Variants in ADAMTS6 observed in about 807,000 individuals in gnomAD.
ADAMTS6 encodes the protein A disintegrin and metalloproteinase with thrombospondin motifs 6.
A neutral mutation model predicts 144.3 loss-of-function variants in ADAMTS6; 23 were observed. The observed-to-expected ratio is 0.16, with a 90% confidence interval of 0.11 to 0.23. The LOEUF (loss-of-function observed/expected upper bound fraction) is 0.23. Among genes scored for constraint, ADAMTS6 ranks in the 10% least tolerant of loss-of-function variants. The probability of loss-of-function intolerance (pLI) is 1.00; values close to 1 mark genes in which losing one functional copy is unlikely to be tolerated. For synonymous variants in ADAMTS6, 444 were observed against 457.5 expected, an observed-to-expected ratio of 0.97 and a Z score of 0.38; for missense variants, 999 against 1,379.6, an observed-to-expected ratio of 0.72 and a Z score of 4.37.
At chr5:65,200,231 AG>A (rs1438306512) in intron 20 of ADAMTS6, among the ~76,000 whole-genome samples, 1 of 152,182 alleles carries the variant, frequency 6.6e-6, no homozygotes, top group African/African-American at 2.4e-5. Flanking sequence ...CAGTAGCAAC[AG>A]GATAACTCTA....
intron 4 of ADAMTS6, among the ~76,000 whole-genome samples, chr5:65,459,073 C>T (rs1759452430): frequency 2.0e-5 from 3 of 150,786 alleles, no homozygotes; most frequent in Non-Finnish European, 2.9e-5. Context: ...AACGGGGTCT[C>T]GCTATATTGC....
intron 12 of ADAMTS6, among the ~76,000 whole-genome samples, chr5:65,266,063 G>GA (rs1761606288): frequency 6.6e-6 from 1 of 151,474 alleles, no homozygotes; most frequent in African/African-American, 2.4e-5. Flanking sequence ...GATTTGTAGA[G>GA]AAAAAATAGT....
At chr5:65,445,016 T>C (rs1352533783) in intron 7 of ADAMTS6, among the ~76,000 whole-genome samples, 2 of 152,212 alleles carry the variant, frequency 1.3e-5, no homozygotes, top group African/African-American at 2.4e-5. Context: ...CTTGGTTATA[T>C]ACATACATCA....
chr5:65,443,950 T>C (rs1758069259), intron 7 of ADAMTS6, among the ~76,000 whole-genome samples: 1 of 152,176 alleles, frequency 6.6e-6, no homozygotes, highest in Non-Finnish European at 1.5e-5. Flanking sequence ...ACCTTTATTA[T>C]ACATTGTATT....
At chr5:65,164,312 G>A (rs1003262412) in intron 24 of ADAMTS6, among the ~76,000 whole-genome samples, 8 of 152,122 alleles carry the variant, frequency 5.3e-5, no homozygotes, top group Non-Finnish European at 1.0e-4. Flanking sequence ...CGAATATTGC[G>A]CTTTTCAGAC....
chr5:65,204,210 A>G (rs1183726075), intron 20 of ADAMTS6, among the ~76,000 whole-genome samples: 1 of 152,236 alleles, frequency 6.6e-6, no homozygotes, highest in African/African-American at 2.4e-5. Flanking sequence ...AGCTTAAGTT[A>G]TATTGAAAAT....
At chr5:65,194,829 G>A (rs1251785576) in intron 21 of ADAMTS6, among the ~76,000 whole-genome samples, 1 of 151,970 alleles carries the variant, frequency 6.6e-6, no homozygotes, top group African/African-American at 2.4e-5. Flanking sequence ...ACTACATAAG[G>A]AGATAGAAAG....
At chr5:65,376,637 C>G (rs1407318172) in intron 7 of ADAMTS6, among the ~76,000 whole-genome samples, 1 of 152,028 alleles carries the variant, frequency 6.6e-6, no homozygotes, top group Admixed American at 6.6e-5. Context: ...TCAAGACTAT[C>G]CTGAGCAATG....
intron 7 of ADAMTS6, among the ~76,000 whole-genome samples, chr5:65,372,720 T>C (rs2039255900): frequency 6.6e-6 from 1 of 152,094 alleles, no homozygotes; most frequent in Non-Finnish European, 1.5e-5. Flanking sequence ...TCAATAAGGA[T>C]ACCCAGGAAT....
chr5:65,339,679 G>A (rs1003591680), intron 7 of ADAMTS6, among the ~76,000 whole-genome samples: 1 of 151,648 alleles, frequency 6.6e-6, no homozygotes, highest in South Asian at 2.1e-4. Flanking sequence ...GAAGAAAAGA[G>A]AAATACTAGA....
chr5:65,207,105 T>A (rs1020652360), intron 20 of ADAMTS6, among the ~76,000 whole-genome samples: 2 of 152,156 alleles, frequency 1.3e-5, no homozygotes, highest in African/African-American at 4.8e-5. Context: ...ACAAAAAATA[T>A]CTCTAACAGT....
chr5:65,438,865 T>C (rs1757651445), intron 7 of ADAMTS6, among the ~76,000 whole-genome samples: 1 of 152,200 alleles, frequency 6.6e-6, no homozygotes, highest in Non-Finnish European at 1.5e-5. Flanking sequence ...AAATAAACTA[T>C]CAAACAAACG....
chr5:65,318,439 T>C (rs1745227428), intron 9 of ADAMTS6, among the ~76,000 whole-genome samples: 1 of 152,208 alleles, frequency 6.6e-6, no homozygotes, highest in Non-Finnish European at 1.5e-5. Context: ...CCCATGTTTA[T>C]TGCAGTACTA....
rs994136847 is a variant in ADAMTS6, at chr5:65,239,273, A to C, written c.1933+2831T>G. Among the ~76,000 whole-genome samples, 9 of 152,090 alleles carry C rather than the reference A, an allele frequency of 5.9e-5. No homozygotes were observed. In the South Asian group the frequency reaches 1.7e-3, roughly 28 times the overall value. On this transcript the variant is annotated intron_variant, in intron 15 of 24. Transcript: ENST00000381055. Reference sequence around the variant, plus strand: ...CTAGAACTTAATGTATAAAAAAAAAAAAAACTGTGTTCATGACTATACTCT... The same window carrying C: ...CTAGAACTTAATGTATAAAAAAAAACAAAACTGTGTTCATGACTATACTCT...
intron 17 of ADAMTS6, 30 bp downstream of exon 17, chr5:65,224,894 T>C: frequency 6.3e-7 from 1 of 1,591,140 alleles, no homozygotes; most frequent in Non-Finnish European, 8.5e-7. Flanking sequence ...ACACCAGAGG[T>C]GTGAGGAAGA....
intron 24 of ADAMTS6, among the ~76,000 whole-genome samples, chr5:65,158,701 C>T (rs1308214200): frequency 6.6e-6 from 1 of 152,110 alleles, no homozygotes. Context: ...CATAGTGTTA[C>T]CCTCATCAGT....
intron 20 of ADAMTS6, among the ~76,000 whole-genome samples, chr5:65,205,919 T>C (rs1228281330): frequency 6.6e-6 from 1 of 152,156 alleles, no homozygotes; most frequent in Admixed American, 6.5e-5. Flanking sequence ...ATATGAGAAA[T>C]TTACATATTA....
intron 7 of ADAMTS6, among the ~76,000 whole-genome samples, chr5:65,436,215 T>C (rs1472134029): frequency 2.7e-5 from 4 of 149,604 alleles, no homozygotes; most frequent in Non-Finnish European, 5.9e-5. Context: ...TAGACCCCCA[T>C]CTCTACACAC....
intron 3 of ADAMTS6, among the ~76,000 whole-genome samples, chr5:65,467,702 G>C (rs1312244922): frequency 6.6e-6 from 1 of 152,130 alleles, no homozygotes; most frequent in African/African-American, 2.4e-5. Flanking sequence ...CATGAGGGCT[G>C]CATAAGGTCC....
Sources: allele counts gnomAD v4.1 joint callset (sites outside exome capture counted in the v4.1 genomes callset), GRCh38; gene constraint gnomAD v4.1.1; transcripts MANE v1.5; gene names NCBI Gene and HGNC (gene_info 2026-07-23, HGNC 2026-07-21).